The following HTR7 variants were observed in gnomAD, a reference collection of about 807,000 sequenced individuals.
HTR7 encodes 5-hydroxytryptamine receptor 7.
HTR7 carries 16 observed loss-of-function variants against 34.0 expected under a neutral mutation model. The ratio of observed to expected loss-of-function variants is 0.47; its 90% CI spans 0.32 to 0.71. The LOEUF (loss-of-function observed/expected upper bound fraction) is 0.71. HTR7 is among the 30% of genes least tolerant of loss of function. HTR7 has a pLI of 0.04. For synonymous variants in HTR7, 265 were observed against 260.2 expected, an observed-to-expected ratio of 1.02 and a Z score of -0.18; for missense variants, 504 against 625.5, an observed-to-expected ratio of 0.81 and a Z score of 2.07.
At chr10:90,746,830 C>A (rs986253221) in intron 2 of HTR7, among the ~76,000 whole-genome samples, 1 of 152,188 alleles carries the variant, frequency 6.6e-6, no homozygotes, top group Non-Finnish European at 1.5e-5. Context: ...ATATCCTTGC[C>A]TTATTTCCTT....
chr10:90,823,438 T>C (rs1281232121), intron 1 of HTR7, among the ~76,000 whole-genome samples: 1 of 152,228 alleles, frequency 6.6e-6, no homozygotes, highest in Non-Finnish European at 1.5e-5. Flanking sequence ...TTCTCCCGCT[T>C]GGAATGGGAG....
rs537144276 is a variant in HTR7 at position 90,844,619 on chromosome 10, C to T, written c.539+12514G>A. 4.3e-4 allele frequency among the ~76,000 whole-genome samples: 64 copies of T among 147,818 alleles called. 1 individual carries two copies. The Middle Eastern group carries it at 0.011, about 24-fold the overall frequency. ...GTGGGAGCCTGTAGTCCCAGCTACTCGGGAGGCTGAGGCAGGAGAATGGCA... is the reference window on the plus strand; with the variant it reads ...GTGGGAGCCTGTAGTCCCAGCTACTTGGGAGGCTGAGGCAGGAGAATGGCA... On this transcript the variant is annotated intron_variant, in intron 1 of 3. Coordinates refer to ENST00000336152, the MANE Select transcript of HTR7 (RefSeq NM_019859.4).
chr10:90,854,372 C>G (rs866362967), intron 1 of HTR7, among the ~76,000 whole-genome samples: 3 of 151,664 alleles, frequency 2.0e-5, no homozygotes, highest in Admixed American at 2.0e-4. Flanking sequence ...TCACTCCCCC[C>G]AAAAAAACAA....
chr10:90,833,343 C>G (rs1430067437), intron 1 of HTR7, among the ~76,000 whole-genome samples: 1 of 152,170 alleles, frequency 6.6e-6, no homozygotes, highest in Non-Finnish European at 1.5e-5. Flanking sequence ...ATTTTACATT[C>G]CCTTCTCTGT....
At chr10:90,746,861 C>G (rs1844646144) in intron 2 of HTR7, among the ~76,000 whole-genome samples, 1 of 152,184 alleles carries the variant, frequency 6.6e-6, no homozygotes, top group Admixed American at 6.5e-5. Context: ...ACTACTAAGA[C>G]TGTCTAGGAG....
chr10:90,840,602 A>T (rs1180424086), intron 1 of HTR7, among the ~76,000 whole-genome samples: 1 of 152,058 alleles, frequency 6.6e-6, no homozygotes, highest in Non-Finnish European at 1.5e-5. Context: ...AACTGTTCAA[A>T]TTTTTCTTAG....
intron 1 of HTR7, among the ~76,000 whole-genome samples, chr10:90,784,224 C>A (rs890553666): frequency 6.6e-6 from 1 of 152,174 alleles, no homozygotes; most frequent in African/African-American, 2.4e-5. Flanking sequence ...TTATATAGGA[C>A]TCTGAAAAGA....
intron 1 of HTR7, among the ~76,000 whole-genome samples, chr10:90,841,973 C>A (rs1846336090): frequency 6.6e-6 from 1 of 152,144 alleles, no homozygotes; most frequent in South Asian, 2.1e-4. Context: ...TCACTTCAGC[C>A]TGGGCATAGA....
At chr10:90,778,938 A>G (rs1845265225) in intron 1 of HTR7, among the ~76,000 whole-genome samples, 1 of 152,148 alleles carries the variant, frequency 6.6e-6, no homozygotes, top group Non-Finnish European at 1.5e-5. Context: ...AGGCACCCTG[A>G]CCTTTGCCTT....
intron 1 of HTR7, among the ~76,000 whole-genome samples, chr10:90,774,059 T>C (rs1325521410): frequency 2.0e-5 from 3 of 152,074 alleles, no homozygotes; most frequent in African/African-American, 7.2e-5. Flanking sequence ...AGCGATGATA[T>C]AACCCTAAGC....
chr10:90,748,446 T>A (rs1219349063), intron 2 of HTR7, among the ~76,000 whole-genome samples: 1 of 152,176 alleles, frequency 6.6e-6, no homozygotes, highest in Non-Finnish European at 1.5e-5. Context: ...GAAGAATTTA[T>A]CTGTGAAGGA....
At chr10:90,804,578 C>T (rs118050958) in intron 1 of HTR7, among the ~76,000 whole-genome samples, 2,051 of 152,150 alleles carry the variant, frequency 0.013, 26 homozygotes, top group Non-Finnish European at 0.019. Context: ...CTGAGCAAAA[C>T]GAGCCACCAC....
chr10:90,784,265 T>C (rs1232530007), intron 1 of HTR7, among the ~76,000 whole-genome samples: 2 of 152,212 alleles, frequency 1.3e-5, no homozygotes, highest in Non-Finnish European at 2.9e-5. Flanking sequence ...CATCATGTGC[T>C]AAATACCTCT....
At chr10:90,770,595 G>C (rs187817682) in intron 1 of HTR7, among the ~76,000 whole-genome samples, 1 of 152,162 alleles carries the variant, frequency 6.6e-6, no homozygotes, top group African/African-American at 2.4e-5. Context: ...GGCCGAGCCC[G>C]GGCACTGTCA....
intron 2 of HTR7, among the ~76,000 whole-genome samples, chr10:90,747,615 G>A (rs1026935117): frequency 2.6e-5 from 4 of 152,186 alleles, no homozygotes; most frequent in Middle Eastern, 3.2e-3. Flanking sequence ...TCTAGACTTA[G>A]TTGTGACACT....
At chr10:90,816,687 G>T (rs1317645640) in intron 1 of HTR7, among the ~76,000 whole-genome samples, 1 of 152,126 alleles carries the variant, frequency 6.6e-6, no homozygotes, top group Admixed American at 6.5e-5. Context: ...AACTACAGAT[G>T]ATTTAAGAGC....
At chr10:90,794,727 T>G (rs551417700) in intron 1 of HTR7, among the ~76,000 whole-genome samples, 1 of 152,218 alleles carries the variant, frequency 6.6e-6, no homozygotes, top group Non-Finnish European at 1.5e-5. Flanking sequence ...GATCTCAAAC[T>G]CCTGGGCTCA....
Position 90,857,992 on chromosome 10 carries a change from G to C in HTR7, c.-321C>G, listed in dbSNP as rs997630736. On this transcript the variant is annotated 5_prime_UTR_variant, in exon 1 of 4. Transcript: ENST00000336152. This position sits in a 1 kb window ranked among gnomAD's most constrained non-coding sequence, Gnocchi z 6.5. ...GCTCCACAGTTCGCAGCAGCAGCTC[G>C]GCTGCGCCGAGAGCGCCCGGGCGGC... is the stretch of plus-strand genomic sequence containing the variant. Among the ~76,000 whole-genome samples the C allele has an allele frequency of 4.0e-5, 6 of 150,762 alleles. No individual in the cohort carries two copies. In the South Asian group the frequency reaches 8.3e-4, roughly 21 times the overall value.
intron 2 of HTR7, among the ~76,000 whole-genome samples, chr10:90,746,580 A>G (rs1844639683): frequency 6.6e-6 from 1 of 152,182 alleles, no homozygotes; most frequent in African/African-American, 2.4e-5. Flanking sequence ...TCCTGTGCTA[A>G]AAAATGCTGC....
Sources: allele counts gnomAD v4.1 joint callset (sites outside exome capture counted in the v4.1 genomes callset), GRCh38; gene constraint gnomAD v4.1.1; non-coding constraint Gnocchi (gnomAD v3.1); transcripts MANE v1.5; gene names NCBI Gene and HGNC (gene_info 2026-07-23, HGNC 2026-07-21).